Variants in NUBPL observed in about 807,000 individuals in gnomAD.
NUBPL encodes NUBP iron-sulfur cluster assembly factor, mitochondrial, also known as iron-sulfur cluster transfer protein NUBPL.
NUBPL carries 31 observed loss-of-function variants against 45.7 expected under a neutral mutation model. The ratio of observed to expected loss-of-function variants is 0.68; its 90% CI spans 0.51 to 0.92. NUBPL has a LOEUF of 0.92. Ranked by LOEUF, NUBPL falls within the 40% of genes least tolerant of loss-of-function variation. The pLI is 0.00. For missense variants in NUBPL, 401 were observed against 398.7 expected, an observed-to-expected ratio of 1.01 and a Z score of -0.05; for synonymous variants, 144 against 140.9, an observed-to-expected ratio of 1.02 and a Z score of -0.15.
intron 4 of NUBPL, among the ~76,000 whole-genome samples, chr14:31,619,149 C>G (rs760928941): frequency 2.0e-5 from 3 of 152,176 alleles, no homozygotes; most frequent in Non-Finnish European, 4.4e-5. Flanking sequence ...AAATATTCCT[C>G]CCTCCCTTTA....
chr14:31,700,827 C>A (rs1023466438), intron 6 of NUBPL, among the ~76,000 whole-genome samples: 1 of 152,088 alleles, frequency 6.6e-6, no homozygotes, highest in African/African-American at 2.4e-5. Context: ...CCAGCCCCCT[C>A]CCCCCCACCA....
chr14:31,658,763 C>T (rs186954608), intron 4 of NUBPL, among the ~76,000 whole-genome samples: 224 of 152,204 alleles, frequency 1.5e-3, no homozygotes, highest in African/African-American at 3.4e-3. Context: ...CCACCTGCCT[C>T]GGCCTCCCAA....
chr14:31,634,949 T>C (rs1282384114), intron 4 of NUBPL, among the ~76,000 whole-genome samples: 7 of 149,650 alleles, frequency 4.7e-5, no homozygotes, highest in African/African-American at 1.3e-4. Flanking sequence ...TGTTTTTTTC[T>C]TGTAAATTTG....
chr14:31,646,311 C>A (rs1248881272), intron 4 of NUBPL, among the ~76,000 whole-genome samples: 1 of 152,008 alleles, frequency 6.6e-6, no homozygotes, highest in African/African-American at 2.4e-5. Flanking sequence ...CTCGGCCTCC[C>A]AAGTAGCTGG....
At chr14:31,773,945 A>G (rs142348203) in intron 6 of NUBPL, among the ~76,000 whole-genome samples, 1 of 152,324 alleles carries the variant, frequency 6.6e-6, no homozygotes, top group African/African-American at 2.4e-5. Flanking sequence ...CACTTATGGC[A>G]TATTCCAACC....
At chr14:31,692,418 A>G (rs571871208) in intron 6 of NUBPL, among the ~76,000 whole-genome samples, 16 of 152,236 alleles carry the variant, frequency 1.1e-4, no homozygotes, top group Non-Finnish European at 2.2e-4. Flanking sequence ...AGCCACAGAA[A>G]GAAAAACTTC....
intron 2 of NUBPL, among the ~76,000 whole-genome samples, chr14:31,563,940 T>C (rs2033366917): frequency 6.6e-6 from 1 of 152,252 alleles, no homozygotes; most frequent in Non-Finnish European, 1.5e-5. Context: ...GAAGTAGGCA[T>C]TGTTTTCATT....
intron 6 of NUBPL, among the ~76,000 whole-genome samples, chr14:31,781,952 C>T (rs1352046935): frequency 6.6e-6 from 1 of 152,106 alleles, no homozygotes; most frequent in Non-Finnish European, 1.5e-5. Context: ...ACGTCTCTCT[C>T]CCCTTACTAT....
intron 4 of NUBPL, among the ~76,000 whole-genome samples, chr14:31,634,852 T>C (rs949139804): frequency 6.6e-6 from 1 of 150,394 alleles, no homozygotes; most frequent in Admixed American, 6.6e-5. Flanking sequence ...ATGATGAGCA[T>C]TTTTTCATGT....
chr14:31,693,987 C>G (rs929014766), intron 6 of NUBPL, among the ~76,000 whole-genome samples: 1 of 151,664 alleles, frequency 6.6e-6, no homozygotes, highest in East Asian at 1.9e-4. Context: ...TCCTGAGTGG[C>G]TGGGATTACA....
intron 6 of NUBPL, among the ~76,000 whole-genome samples, chr14:31,781,414 A>G (rs2039188911): frequency 6.6e-6 from 1 of 152,376 alleles, no homozygotes; most frequent in South Asian, 2.1e-4. Context: ...ATAAAACTAC[A>G]GAACCAATTT....
intron 7 of NUBPL, among the ~76,000 whole-genome samples, chr14:31,810,935 G>T (rs151241823): frequency 0.043 from 6,474 of 152,240 alleles, 178 homozygotes; most frequent in Admixed American, 0.066. Flanking sequence ...AAAGAATGTT[G>T]AATATTGGCC....
At position 31,724,835 on chromosome 14, in the gene NUBPL, A is replaced by G. The variant is rs533416943; in HGVS notation, c.513+51261A>G. ...CATTGATTAATGATCCATGCTTTGG[A>G]AAAAAAGGCAAGATAAGACAATTGA... is the stretch of plus-strand genomic sequence containing the variant. On this transcript the variant is annotated intron_variant, in intron 6 of 10. Coordinates refer to ENST00000281081, the MANE Select transcript of NUBPL (RefSeq NM_025152.3). Among the ~76,000 whole-genome samples the G allele has an allele frequency of 4.5e-4, 68 of 152,206 alleles. 2 individuals carry two copies. The South Asian group carries it at 0.014, about 31-fold the overall frequency.
intron 4 of NUBPL, among the ~76,000 whole-genome samples, chr14:31,637,233 T>A (rs1367243674): frequency 6.6e-6 from 1 of 152,246 alleles, no homozygotes; most frequent in Non-Finnish European, 1.5e-5. Flanking sequence ...TTTAGTGCTA[T>A]AAATTTCCCT....
intron 8 of NUBPL, among the ~76,000 whole-genome samples, chr14:31,837,508 G>A (rs147414371): frequency 7.2e-5 from 11 of 152,144 alleles, no homozygotes; most frequent in East Asian, 5.8e-4. Flanking sequence ...AACCACAAAC[G>A]TAGTTTTGAA....
At chr14:31,684,568 G>A (rs1344786183) in intron 6 of NUBPL, among the ~76,000 whole-genome samples, 1 of 149,574 alleles carries the variant, frequency 6.7e-6, no homozygotes, top group Non-Finnish European at 1.5e-5. Context: ...ATGTTGTTAA[G>A]GAGGTGTTTT....
At chr14:31,847,836 T>C (rs1455778126) in intron 9 of NUBPL, among the ~76,000 whole-genome samples, 28 of 152,248 alleles carry the variant, frequency 1.8e-4, no homozygotes, top group Non-Finnish European at 4.1e-4. Context: ...TTTTGATACA[T>C]TGCTATAATT....
intron 6 of NUBPL, among the ~76,000 whole-genome samples, chr14:31,728,655 A>G (rs1281903031): frequency 6.6e-6 from 1 of 152,180 alleles, no homozygotes; most frequent in Non-Finnish European, 1.5e-5. Flanking sequence ...TCACTAGACA[A>G]CTATTCACTT....
At chr14:31,616,773 A>G (rs1291227276) in intron 4 of NUBPL, among the ~76,000 whole-genome samples, 2 of 152,140 alleles carry the variant, frequency 1.3e-5, no homozygotes, top group Non-Finnish European at 2.9e-5. Flanking sequence ...TTTGTTCCAT[A>G]TGAAATGTAA....
Sources: allele counts gnomAD v4.1 joint callset (sites outside exome capture counted in the v4.1 genomes callset), GRCh38; gene constraint gnomAD v4.1.1; transcripts MANE v1.5; gene names NCBI Gene and HGNC (gene_info 2026-07-23, HGNC 2026-07-21).